Variants in WIPF2 observed in about 807,000 individuals in gnomAD.
WIPF2 encodes the protein WAS/WASL interacting protein family member 2.
In WIPF2, 23 loss-of-function variants were observed where a neutral mutation model predicts 38.8. The ratio of observed to expected loss-of-function variants is 0.59; its 90% CI spans 0.43 to 0.84. The LOEUF (loss-of-function observed/expected upper bound fraction) is 0.84, where lower values mean the gene tolerates loss of function less well. Among genes scored for constraint, WIPF2 ranks in the 40% least tolerant of loss-of-function variants. WIPF2 has a pLI of 0.00. For missense variants in WIPF2, 574 were observed against 580.5 expected (o/e 0.99, Z 0.11); for synonymous variants, 210 against 223.2 (o/e 0.94, Z 0.53).
chr17:40,257,400 T>C (rs1400309043), intron 2 of WIPF2, among the ~76,000 whole-genome samples: 3 of 152,116 alleles, frequency 2.0e-5, no homozygotes, highest in Non-Finnish European at 2.9e-5. Flanking sequence ...GTTTTTGGAA[T>C]GTATTGGTTC....
At chr17:40,259,103 T>C (rs2031821278) in intron 2 of WIPF2, among the ~76,000 whole-genome samples, 1 of 142,676 alleles carries the variant, frequency 7.0e-6, no homozygotes, top group African/African-American at 2.6e-5. Context: ...AGTCTTGAAC[T>C]CCTGGCTTCA....
At chr17:40,230,343 AAAC>A (rs981697823) in intron 1 of WIPF2, among the ~76,000 whole-genome samples, 5 of 152,310 alleles carry the variant, frequency 3.3e-5, no homozygotes, top group African/African-American at 1.2e-4. Flanking sequence ...CTGTTTCAAA[AAAC>A]AACAACTAAA....
intron 1 of WIPF2, among the ~76,000 whole-genome samples, chr17:40,236,436 C>G (rs1286353485): frequency 6.7e-6 from 1 of 148,618 alleles, no homozygotes; most frequent in East Asian, 2.0e-4. Context: ...CCTCCCGGTT[C>G]GAGCGATTCT....
chr17:40,237,065 A>G (rs2031000027), intron 1 of WIPF2, among the ~76,000 whole-genome samples: 1 of 151,962 alleles, frequency 6.6e-6, no homozygotes. Flanking sequence ...GGACCTTTTC[A>G]GTCTGGAAGC....
At chr17:40,248,699 G>A (rs992605255) in intron 1 of WIPF2, among the ~76,000 whole-genome samples, 1 of 152,200 alleles carries the variant, frequency 6.6e-6, no homozygotes, top group Non-Finnish European at 1.5e-5. Context: ...CCATTAGGGA[G>A]GAGTGTCTGG....
At chr17:40,226,670 C>G (rs1374554215) in intron 1 of WIPF2, among the ~76,000 whole-genome samples, 1 of 152,170 alleles carries the variant, frequency 6.6e-6, no homozygotes, top group African/African-American at 2.4e-5. Context: ...GACATTTAAA[C>G]TGCTTCTTTC....
chr17:40,246,180 G>A (rs1480494814), intron 1 of WIPF2, among the ~76,000 whole-genome samples: 36 of 150,264 alleles, frequency 2.4e-4, no homozygotes, highest in African/African-American at 8.4e-4. Flanking sequence ...CCTTCCTCCC[G>A]GGTTCAAGCG....
chr17:40,257,226 C>T (rs2145365273), intron 2 of WIPF2, among the ~76,000 whole-genome samples: 1 of 152,190 alleles, frequency 6.6e-6, no homozygotes, highest in South Asian at 2.1e-4. Flanking sequence ...ATCCTCCTGC[C>T]TTGGCCTCCC....
intron 5 of WIPF2, among the ~76,000 whole-genome samples, chr17:40,268,622 A>G (rs1201158849): frequency 1.3e-5 from 2 of 151,702 alleles, no homozygotes; most frequent in Non-Finnish European, 2.9e-5. Context: ...ATTTTTTAAG[A>G]TGAGGTCTGT....
rs569496023 is a variant in WIPF2, at chr17:40,243,162, G to A, written c.-69-13229G>A. 4.7e-3 allele frequency among the ~76,000 whole-genome samples: 720 copies of A among 152,154 alleles called. 2 individuals are homozygous for A. The highest frequency in any genetic ancestry group is 7.7e-3 in the Admixed American group (118 of 15,268). ...ATAGTATCTAATATTTACCACATAA[G>A]GTAGTATATGAAGGTAGTCTTCCGA... is the stretch of plus-strand genomic sequence containing the variant. On this transcript the variant is annotated intron_variant, in intron 1 of 7. Transcript: ENST00000323571.
rs1353397977 is a variant in WIPF2 at position 40,228,805 on chromosome 17, G to A, written c.-70+9313G>A. Among the ~76,000 whole-genome samples, 3 of 151,828 alleles carry A rather than the reference G, an allele frequency of 2.0e-5. 1 individual carries two copies. The highest frequency in any genetic ancestry group is 2.0e-4 in the Admixed American group (3 of 15,210). ...ACAATTTTTAAAATTTTTTGTAGAC[G>A]TGAGGTCTCACTTTGTTGCCTAGGC... On this transcript the variant is annotated intron_variant, in intron 1 of 7. Coordinates refer to ENST00000323571, the MANE Select transcript of WIPF2 (RefSeq NM_133264.5).
At chr17:40,235,177 G>C (rs935120182) in intron 1 of WIPF2, among the ~76,000 whole-genome samples, 11 of 151,738 alleles carry the variant, frequency 7.2e-5, no homozygotes, top group South Asian at 6.2e-4. Flanking sequence ...TTACAGGCTT[G>C]AGCCACCACG....
At chr17:40,224,406 A>ATTTTTTTTTT (rs67838907) in intron 1 of WIPF2, among the ~76,000 whole-genome samples, 23 of 89,066 alleles carry the variant, frequency 2.6e-4, no homozygotes, top group East Asian at 9.2e-4. Context: ...GATTTTTTGT[A>ATTTTTTTTTT]TTTTTTTTTT....
At chr17:40,227,481 C>A (rs1346402564) in intron 1 of WIPF2, among the ~76,000 whole-genome samples, 2 of 152,044 alleles carry the variant, frequency 1.3e-5, no homozygotes, top group African/African-American at 4.8e-5. Context: ...ATAGTGAATA[C>A]CCTTGGAAAC....
intron 5 of WIPF2, among the ~76,000 whole-genome samples, chr17:40,270,514 G>A (rs778701918): frequency 6.6e-6 from 1 of 152,118 alleles, no homozygotes; most frequent in African/African-American, 2.4e-5. Flanking sequence ...ATTCCAGGTC[G>A]TCTCATCGCT....
At chr17:40,238,654 C>A (rs940676810) in intron 1 of WIPF2, among the ~76,000 whole-genome samples, 1 of 152,012 alleles carries the variant, frequency 6.6e-6, no homozygotes, top group Admixed American at 6.6e-5. Context: ...ACTCTGTCGT[C>A]CAGGCTGGAG....
At chr17:40,223,837 G>A (rs929516751) in intron 1 of WIPF2, among the ~76,000 whole-genome samples, 2 of 151,798 alleles carry the variant, frequency 1.3e-5, no homozygotes, top group East Asian at 3.9e-4. Flanking sequence ...TGCCAGTCTC[G>A]GCCTCCCAAA....
rs60253561 is a variant in WIPF2 at position 40,219,368 on chromosome 17, T to TGGCGGCGGCGGCGGC, written c.-177_-163dup. 1.2e-3 allele frequency: 468 copies of TGGCGGCGGCGGCGGC among 379,770 alleles called. 3 individuals are homozygous for TGGCGGCGGCGGCGGC. The highest frequency in any genetic ancestry group is 2.5e-3 in the East Asian group (39 of 15,622). The allele number at this position is 379,770 out of a possible 1,614,324, so 23.5% of individuals were successfully genotyped here. A position where few individuals can be genotyped will look rare whatever the true frequency, so the allele number is the denominator to read the frequency against. On this transcript the variant is annotated 5_prime_UTR_variant, in exon 1 of 8. Coordinates refer to ENST00000323571, the MANE Select transcript of WIPF2 (RefSeq NM_133264.5). The stretch of plus-strand genomic sequence containing the variant: ...ATTTCCGGGTTGGCAAAAGGGGCGG[T>TGGCGGCGGCGGCGGC]GGCGGCGGCGGCGGCGGCGGCGGCG...
At chr17:40,249,839 T>C (rs530918547) in intron 1 of WIPF2, among the ~76,000 whole-genome samples, 106 of 152,048 alleles carry the variant, frequency 7.0e-4, no homozygotes, top group African/African-American at 2.4e-3. Flanking sequence ...AGGAAGATTT[T>C]TTTTTTTTTT....
Sources: gnomAD v4.1 joint callset for allele counts (sites outside exome capture counted in the v4.1 genomes callset) on GRCh38, gnomAD v4.1.1 for gene constraint, MANE v1.5 for transcripts, NCBI Gene and HGNC (gene_info 2026-07-23, HGNC 2026-07-21) for gene names.